Variants in CROT observed in about 807,000 individuals in gnomAD.
The protein encoded by CROT is peroxisomal carnitine O-octanoyltransferase.
Under a neutral mutation model 89.2 loss-of-function variants are expected in CROT, and 84 were observed. The ratio of observed to expected loss-of-function variants is 0.94; its 90% confidence interval spans 0.79 to 1.13. The LOEUF is 1.13. Ranked by LOEUF, CROT falls within the 50% of genes most tolerant of loss-of-function variation. CROT has a pLI of 0.00. For synonymous variants in CROT, 212 were observed against 239.5 expected, an observed-to-expected ratio of 0.89 and a Z score of 1.06; for missense variants, 711 against 727.8, an observed-to-expected ratio of 0.98 and a Z score of 0.27.
rs1278972090 is a variant in CROT, at chr7:87,399,574, CA to C, written c.*934del. On this transcript the variant is annotated 3_prime_UTR_variant, in exon 18 of 18. Transcript: ENST00000331536. ...CTCTATTACACACATAAAACCGTAA[CA>C]AAATTCATTGTGGTGTATTATAATT... 1 of 152,148 alleles carries C rather than the reference CA, an allele frequency of 6.6e-6. No individual in the cohort carries two copies. Among genetic ancestry groups the C allele is most frequent in the Non-Finnish European group, 1.5e-5 (1 of 68,020 alleles). The allele number at this position is 152,148 out of a possible 1,614,324, so 9.4% of individuals were successfully genotyped here.
At chr7:87,347,971 A>T (rs1805744817) in intron 2 of CROT, among the ~76,000 whole-genome samples, 1 of 152,232 alleles carries the variant, frequency 6.6e-6, no homozygotes. Context: ...GCACAGCTAC[A>T]ACTCAGGATT....
intron 1 of CROT, 26 bp from the exon 2 acceptor site, chr7:87,346,314 T>A (rs745704123): frequency 2.0e-5 from 3 of 152,262 alleles, no homozygotes; most frequent in Non-Finnish European, 2.9e-5. Context: ...TAAATATTTG[T>A]TAAGCTTGTT....
At position 87,391,128 on chromosome 7, in the gene CROT, G is replaced by A. The variant is rs548835374; in HGVS notation, c.1302-461G>A. On this transcript the variant is annotated intron_variant, in intron 13 of 17. Coordinates refer to ENST00000331536, the MANE Select transcript of CROT (RefSeq NM_021151.4). ...GGTCACCCTCAGTTTTCTGCCGCTA[G>A]GGCCTCTCCATCGGGCAGCCCTCAG... 7.2e-5 allele frequency among the ~76,000 whole-genome samples: 11 copies of A among 152,342 alleles called. No homozygotes were observed. The South Asian group carries it at 2.3e-3, about 32-fold the overall frequency.
In CROT at chr7:87,369,365, T is replaced by A. The variant is rs1806549034; in HGVS notation, c.548-11T>A. 2 of 1,582,740 alleles carry A rather than the reference T, an allele frequency of 1.3e-6. No individual in the cohort carries two copies. Among genetic ancestry groups the A allele is most frequent in the Non-Finnish European group, 1.7e-6 (2 of 1,161,692 alleles). ...AGATTTGAGTCTTGTGTTTTCTGTT[T>A]CTGTTTCCAGAGAGTGAAGGGCGTT... On this transcript the variant is annotated splice_polypyrimidine_tract_variant and intron_variant, in intron 6 of 17. Coordinates refer to ENST00000331536, the MANE Select transcript of CROT (RefSeq NM_021151.4).
intron 7 of CROT, among the ~76,000 whole-genome samples, chr7:87,371,374 C>T (rs1415119476): frequency 1.3e-5 from 2 of 152,126 alleles, no homozygotes; most frequent in Non-Finnish European, 2.9e-5. Flanking sequence ...CTACCTTATT[C>T]TTTTAAACTA....
intron 13 of CROT, among the ~76,000 whole-genome samples, chr7:87,388,875 C>T (rs1175772336): frequency 5.3e-5 from 8 of 152,038 alleles, no homozygotes; most frequent in African/African-American, 1.7e-4. Flanking sequence ...GCAATCTAAC[C>T]ACCTGACAAA....
chr7:87,355,082 C>A (rs551617398), intron 3 of CROT, among the ~76,000 whole-genome samples: 1 of 147,648 alleles, frequency 6.8e-6, no homozygotes, highest in South Asian at 2.1e-4. Flanking sequence ...TTCTGTATAA[C>A]CTTTCTTACC....
intron 3 of CROT, among the ~76,000 whole-genome samples, chr7:87,355,342 C>T (rs1482302537): frequency 6.6e-6 from 1 of 152,060 alleles, no homozygotes; most frequent in Non-Finnish European, 1.5e-5. Flanking sequence ...TGAAGCAATC[C>T]ACCTGCCTTG....
Position 87,361,426 on chromosome 7 carries a change from G to A in CROT, c.277G>A (p.Val93Ile). The change falls in exon 5 of 18, where the codon GTT (valine) becomes ATT (isoleucine). Residue 93 changes from valine (V) to isoleucine (I), a missense_variant. Val to Ile is a conservative substitution (Grantham distance 29, BLOSUM62 3). Transcript: ENST00000331536. Reference protein sequence around the residue: ...EWWLNVAYLDVRIPSQLNVNF... With the variant: ...EWWLNVAYLDIRIPSQLNVNF... ...GTGGCTGAATGTTGCCTATCTGGAT[G>A]TTCGTATACCATCACAATTGAATGT... 4.3e-6 allele frequency: 7 copies of A among 1,613,862 alleles called. No individual in the cohort carries two copies. The highest frequency in any genetic ancestry group is 5.9e-6 in the Non-Finnish European group (7 of 1,179,960).
At chr7:87,386,612 G>A (rs923617553) in intron 13 of CROT, among the ~76,000 whole-genome samples, 22 of 152,022 alleles carry the variant, frequency 1.4e-4, no homozygotes, top group Admixed American at 3.3e-4. Context: ...GACTTTTGGA[G>A]CTCTTGTAAA....
At chr7:87,394,917 A>C (rs1226045990) in intron 17 of CROT, among the ~76,000 whole-genome samples, 3 of 152,166 alleles carry the variant, frequency 2.0e-5, no homozygotes, top group African/African-American at 7.2e-5. Flanking sequence ...AGACACCATC[A>C]AGAAAATCAC....
At chr7:87,388,279 A>C (rs546126467) in intron 13 of CROT, among the ~76,000 whole-genome samples, 1 of 152,310 alleles carries the variant, frequency 6.6e-6, no homozygotes, top group African/African-American at 2.4e-5. Flanking sequence ...AAACTACTTT[A>C]AATTTCATAT....
chr7:87,372,226 A>G (rs539035642), intron 7 of CROT, among the ~76,000 whole-genome samples: 1 of 152,302 alleles, frequency 6.6e-6, no homozygotes, highest in East Asian at 1.9e-4. Flanking sequence ...TTATTTATAT[A>G]GTCTCTACAT....
intron 17 of CROT, among the ~76,000 whole-genome samples, chr7:87,397,812 A>C (rs1222405644): frequency 6.6e-6 from 1 of 152,158 alleles, no homozygotes; most frequent in African/African-American, 2.4e-5. Flanking sequence ...TCTTTTTTTA[A>C]GTGATGTGAA....
chr7:87,346,672 G>A (rs1805690412), intron 2 of CROT, among the ~76,000 whole-genome samples: 1 of 152,172 alleles, frequency 6.6e-6, no homozygotes, highest in African/African-American at 2.4e-5. Flanking sequence ...ACTATAGTGG[G>A]TATGTAACTA....
At chr7:87,395,782 A>G (rs1807503948) in intron 17 of CROT, among the ~76,000 whole-genome samples, 1 of 152,096 alleles carries the variant, frequency 6.6e-6, no homozygotes, top group African/African-American at 2.4e-5. Context: ...AGGTGTCAAA[A>G]TGGTCTACTT....
chr7:87,369,477 C>T lies in CROT; in HGVS notation c.649C>T (p.Leu217Phe). ...AGGATGTTTGGTCACCCCGCCAGAG[C>T]TTCTCAGGTTTTCAGACTACTTTCT... ...HEGCLVTPPE[L>F]LRQLTYIHKK... Residue 217 changes from leucine (L) to phenylalanine (F), a missense_variant, in exon 7 of 18, where the codon CTT becomes TTT. Transcript: ENST00000331536. 1 of 1,608,732 alleles carries T rather than the reference C, an allele frequency of 6.2e-7. No homozygotes were observed. Among genetic ancestry groups the T allele is most frequent in the Non-Finnish European group, 8.5e-7 (1 of 1,176,610 alleles).
chr7:87,361,603 T>C (rs760279726), intron 5 of CROT, 32 bp downstream of exon 5: 19 of 1,559,382 alleles, frequency 1.2e-5, no homozygotes, highest in Middle Eastern at 1.7e-4. Flanking sequence ...GTGACAGGCT[T>C]ACCTGAAGTC....
intron 7 of CROT, 147 bp downstream of exon 7, chr7:87,369,631 T>C: frequency 2.8e-6 from 1 of 357,444 alleles, no homozygotes; most frequent in Non-Finnish European, 5.0e-6. Flanking sequence ...TCTATTTGTA[T>C]TTTTTATTTA....
Sources: gnomAD v4.1 joint callset for allele counts (sites outside exome capture counted in the v4.1 genomes callset) on GRCh38, gnomAD v4.1.1 for gene constraint, MANE v1.5 for transcripts, NCBI Gene and HGNC (gene_info 2026-07-23, HGNC 2026-07-21) for gene names.